The following ST6GALNAC3 variants were observed in gnomAD, a reference collection of about 807,000 sequenced individuals.
ST6GALNAC3 encodes alpha-N-acetylgalactosaminide alpha-2,6-sialyltransferase 3.
In ST6GALNAC3, 25 loss-of-function variants were observed where a neutral mutation model predicts 32.7. The ratio of observed to expected loss-of-function variants is 0.76; its 90% CI spans 0.56 to 1.07. ST6GALNAC3 has a LOEUF of 1.07. Ranked by LOEUF, ST6GALNAC3 falls within the 50% of genes least tolerant of loss-of-function variation. The pLI, the probability that ST6GALNAC3 is intolerant of heterozygous loss-of-function variation, is 0.00. For missense variants in ST6GALNAC3, 355 were observed against 382.4 expected (o/e 0.93, Z 0.60); for synonymous variants, 129 against 133.1 (o/e 0.97, Z 0.21).
chr1:76,278,115 T>C (rs1227811752), intron 1 of ST6GALNAC3, among the ~76,000 whole-genome samples: 1 of 131,326 alleles, frequency 7.6e-6, no homozygotes, highest in Non-Finnish European at 1.5e-5. Flanking sequence ...GTTGAGTCTT[T>C]CTATCTATAT....
chr1:76,213,944 G>A (rs1482522161), intron 1 of ST6GALNAC3, among the ~76,000 whole-genome samples: 1 of 152,280 alleles, frequency 6.6e-6, no homozygotes, highest in South Asian at 2.1e-4. Flanking sequence ...GTATATGACT[G>A]TATGAATGGG....
At chr1:76,303,630 G>C (rs973819165) in intron 1 of ST6GALNAC3, among the ~76,000 whole-genome samples, 1 of 152,080 alleles carries the variant, frequency 6.6e-6, no homozygotes, top group Admixed American at 6.6e-5. Flanking sequence ...CTTATCAGAA[G>C]AATAGGATAC....
At chr1:76,532,251 C>T (rs549519551) in intron 3 of ST6GALNAC3, among the ~76,000 whole-genome samples, 203 of 152,278 alleles carry the variant, frequency 1.3e-3, no homozygotes, top group Middle Eastern at 0.01. Context: ...CTCCCGAAAC[C>T]GTAGGGTGGC....
rs1553190687 is a variant in ST6GALNAC3 at position 76,397,386 on chromosome 1, T to TTC, written c.214-14622_214-14621insTC. ...ATAAGATGCTTTTTTTTTTTTTTTTTCTGAGATGGAGTTTCACACTTGTTG... is the reference window on the plus strand; with the variant it reads ...ATAAGATGCTTTTTTTTTTTTTTTTTTCCTGAGATGGAGTTTCACACTTGTTG... On this transcript the variant is annotated intron_variant, in intron 2 of 4. Coordinates refer to ENST00000328299, the MANE Select transcript of ST6GALNAC3 (RefSeq NM_152996.4). Among the ~76,000 whole-genome samples the TTC allele has an allele frequency of 3.0e-4, 46 of 151,036 alleles. 1 individual carries two copies. The highest frequency in any genetic ancestry group is 1.1e-3 in the African/African-American group (46 of 41,134).
At position 76,229,268 on chromosome 1, in the gene ST6GALNAC3, C is replaced by T. The variant is rs1733824; in HGVS notation, c.19-84537C>T. Among the ~76,000 whole-genome samples the T allele has an allele frequency of 2.0e-3, 300 of 152,216 alleles. 2 individuals carry two copies. Among genetic ancestry groups the T allele is most frequent in the African/African-American group, 7.0e-3 (290 of 41,518 alleles). On this transcript the variant is annotated intron_variant, in intron 1 of 4. Transcript: ENST00000328299. ...AACTTCAACAATTGACCTCAAGTGG[C>T]CAGGACTTGATCAATAACTGGCAGC...
At chr1:76,527,376 A>G (rs1424977694) in intron 3 of ST6GALNAC3, among the ~76,000 whole-genome samples, 3 of 152,130 alleles carry the variant, frequency 2.0e-5, no homozygotes, top group Non-Finnish European at 4.4e-5. Flanking sequence ...TGTCCATTTC[A>G]AAGATTAAAT....
At chr1:76,536,695 G>GTC (rs1663628872) in intron 3 of ST6GALNAC3, among the ~76,000 whole-genome samples, 1 of 142,952 alleles carries the variant, frequency 7.0e-6, no homozygotes, top group South Asian at 2.3e-4. Context: ...TGTAATCCTA[G>GTC]TCTCTGACAA....
chr1:76,204,016 A>G (rs1196580235), intron 1 of ST6GALNAC3, among the ~76,000 whole-genome samples: 1 of 152,040 alleles, frequency 6.6e-6, no homozygotes, highest in Non-Finnish European at 1.5e-5. Flanking sequence ...ACTTTTATCA[A>G]CCCTTTAATC....
intron 1 of ST6GALNAC3, among the ~76,000 whole-genome samples, chr1:76,168,157 T>A (rs1299098512): frequency 2.0e-5 from 3 of 152,160 alleles, no homozygotes; most frequent in African/African-American, 7.2e-5. Context: ...CTGCCTTAGT[T>A]GTGTCTCAGG....
At chr1:76,089,410 T>A (rs187562577) in intron 1 of ST6GALNAC3, among the ~76,000 whole-genome samples, 1 of 152,220 alleles carries the variant, frequency 6.6e-6, no homozygotes, top group African/African-American at 2.4e-5. Context: ...ATTTTGTATT[T>A]GGAAATTATT....
rs974742760 is a variant in ST6GALNAC3 at position 76,313,861 on chromosome 1, G to A, written c.75G>A (p.Val25=). The A allele has an allele frequency of 2.5e-6, 4 of 1,613,466 alleles. No individual in the cohort carries two copies. Among genetic ancestry groups the A allele is most frequent in the Admixed American group, 3.3e-5 (2 of 59,922 alleles). ...CAGCGTTCCTTTTCCTGCTGGTTGT[G>A]CGTCTTGTAAATGAAGTGAATTTCC... ...FIAAFLFLLV[V]RLVNEVNFPL... Residue 25 remains valine (V), a synonymous_variant, in exon 2 of 5, where the codon GTG becomes GTA. Transcript: ENST00000328299.
intron 2 of ST6GALNAC3, among the ~76,000 whole-genome samples, chr1:76,381,079 A>T (rs9437435): frequency 1.3e-5 from 2 of 150,634 alleles, no homozygotes; most frequent in Non-Finnish European, 3.0e-5. Context: ...ATTGTAGAGA[A>T]GGTTGTGGTG....
chr1:76,184,518 A>AGC (rs1229767694), intron 1 of ST6GALNAC3, among the ~76,000 whole-genome samples: 3,634 of 68,892 alleles, frequency 0.053, 100 homozygotes, highest in African/African-American at 0.098. Flanking sequence ...CCTCCTGGGC[A>AGC]GCACACACAC....
intron 3 of ST6GALNAC3, among the ~76,000 whole-genome samples, chr1:76,427,923 TTC>T (rs1199327879): frequency 2.6e-5 from 4 of 152,136 alleles, no homozygotes; most frequent in African/African-American, 9.7e-5. Context: ...CTAAATGTCT[TTC>T]TATAGTTCTG....
chr1:76,088,666 G>C (rs1175029766), intron 1 of ST6GALNAC3, among the ~76,000 whole-genome samples: 1 of 152,044 alleles, frequency 6.6e-6, no homozygotes, highest in Non-Finnish European at 1.5e-5. Flanking sequence ...CTTTTAAAAA[G>C]TAAATAAGAT....
intron 1 of ST6GALNAC3, among the ~76,000 whole-genome samples, chr1:76,133,715 CAG>C: frequency 6.6e-6 from 1 of 152,346 alleles, no homozygotes. Flanking sequence ...CTGCTGATCT[CAG>C]GGGAGGATTC....
chr1:76,630,905 C>T lies in ST6GALNAC3; in HGVS notation c.*2099C>T, dbSNP rs375673959. On this transcript the variant is annotated 3_prime_UTR_variant, in exon 5 of 5. Transcript: ENST00000328299. ...AATTGCCATACAGACTGTTTTTCCC[C>T]CTGTTGTTTCACTTTAAAATAAAAA... The T allele has an allele frequency of 3.0e-6, 3 of 985,530 alleles. No homozygotes were observed. Among genetic ancestry groups the T allele is most frequent in the Non-Finnish European group, 3.6e-6 (3 of 829,788 alleles). 61.0% of individuals were successfully genotyped at this position (985,530 alleles called of 1,614,324 possible).
Position 76,215,506 on chromosome 1 carries a change from G to T in ST6GALNAC3, c.19-98299G>T, listed in dbSNP as rs35866506. Among the ~76,000 whole-genome samples the T allele has an allele frequency of 4.4e-3, 665 of 152,264 alleles. 3 individuals carry two copies. The highest frequency in any genetic ancestry group is 6.4e-3 in the Non-Finnish European group (436 of 68,026). On this transcript the variant is annotated intron_variant, in intron 1 of 4. Coordinates refer to ENST00000328299, the MANE Select transcript of ST6GALNAC3 (RefSeq NM_152996.4). ...ATATTTCATGCCCCTCCCCTGCCCC[G>T]GGTGATCCTAATTTGAGAACCACTG...
intron 1 of ST6GALNAC3, among the ~76,000 whole-genome samples, chr1:76,179,634 T>C (rs527660443): frequency 2.6e-5 from 4 of 152,188 alleles, no homozygotes; most frequent in Non-Finnish European, 5.9e-5. Flanking sequence ...CTTTATAGTG[T>C]CCTACAAAAC....
Sources: allele counts gnomAD v4.1 joint callset (sites outside exome capture counted in the v4.1 genomes callset), GRCh38; gene constraint gnomAD v4.1.1; transcripts MANE v1.5; gene names NCBI Gene and HGNC (gene_info 2026-07-23, HGNC 2026-07-21).